Variants in UACA observed in about 807,000 individuals in gnomAD.
UACA encodes the protein nuclear membrane binding protein.
UACA carries 112 observed loss-of-function variants against 160.5 expected under a neutral mutation model. That is an observed-to-expected ratio of 0.70 (90% CI 0.60 to 0.82). UACA has a LOEUF of 0.82. Among genes scored for constraint, UACA ranks in the 40% least tolerant of loss-of-function variants. The pLI is 0.00. For missense variants in UACA, 1,574 were observed against 1,614.6 expected (o/e 0.97, Z 0.43); for synonymous variants, 557 against 568.4 (o/e 0.98, Z 0.29).
At chr15:70,702,248 T>G (rs894281015) in intron 1 of UACA, 1 of 1,075,524 alleles carries the variant, frequency 9.3e-7, no homozygotes, top group African/African-American at 1.7e-5. Context: ...ACTGGAAAAC[T>G]TGAACAGCAC....
intron 1 of UACA, among the ~76,000 whole-genome samples, chr15:70,703,864 T>TA (rs1171206562): frequency 6.6e-6 from 1 of 152,132 alleles, no homozygotes; most frequent in Non-Finnish European, 1.5e-5. Flanking sequence ...CCCCTGTACC[T>TA]ATAAGGTTCT....
intron 1 of UACA, among the ~76,000 whole-genome samples, chr15:70,745,352 G>A (rs1221325283): frequency 2.6e-5 from 4 of 151,594 alleles, no homozygotes; most frequent in Non-Finnish European, 4.4e-5. Context: ...GGAGAGTGGC[G>A]TGAACCCGGG....
At chr15:70,745,644 G>T (rs887919465) in intron 1 of UACA, among the ~76,000 whole-genome samples, 4 of 152,112 alleles carry the variant, frequency 2.6e-5, no homozygotes, top group Non-Finnish European at 4.4e-5. Context: ...AAAAGAGCCT[G>T]CATTGCCAAG....
At chr15:70,690,342 T>G in intron 5 of UACA, 112 bp downstream of exon 5, 1 of 981,538 alleles carries the variant, frequency 1.0e-6, no homozygotes, top group South Asian at 1.5e-5. Context: ...GTTTTTAATA[T>G]TCTTTGTTTC....
intron 1 of UACA, among the ~76,000 whole-genome samples, chr15:70,727,582 C>T (rs1486454116): frequency 1.3e-5 from 2 of 152,044 alleles, no homozygotes; most frequent in Non-Finnish European, 2.9e-5. Context: ...TATAAAATGC[C>T]TCATCATTGT....
intron 1 of UACA, among the ~76,000 whole-genome samples, chr15:70,743,934 A>C (rs1899614621): frequency 6.6e-6 from 1 of 152,112 alleles, no homozygotes; most frequent in African/African-American, 2.4e-5. Flanking sequence ...AGACTGTTCC[A>C]CCCAAGGTTC....
chr15:70,705,552 A>G (rs1053740084), intron 1 of UACA, among the ~76,000 whole-genome samples: 1 of 152,074 alleles, frequency 6.6e-6, no homozygotes, highest in African/African-American at 2.4e-5. Context: ...AATAAAATAA[A>G]ATAAAAAAAT....
In UACA at chr15:70,668,547, G is replaced by T. The variant is rs578213404; in HGVS notation, c.2137C>A (p.Gln713Lys). ...KKITELTLKN[Q>K]TLQKEIEKVY... Reference sequence around the variant, plus strand: ...TTTTCAATTTCCTTTTGTAGTGTCTGATTTTTCAATGTTAACTCAGTGATC... The same window carrying T: ...TTTTCAATTTCCTTTTGTAGTGTCTTATTTTTCAATGTTAACTCAGTGATC... Residue 713 changes from glutamine to lysine, a missense_variant, in exon 16 of 19, where the codon CAG becomes AAG. By Grantham distance (53) the Gln-to-Lys change is moderately conservative. Transcript: ENST00000322954. 3.3e-5 allele frequency: 53 copies of T among 1,611,778 alleles called. 1 individual carries two copies. In the South Asian group the frequency reaches 5.7e-4, roughly 17 times the overall value.
rs142981855 is a variant in UACA at position 70,668,452 on chromosome 15, A to G, written c.2232T>C (p.Tyr744=). The part of the protein sequence containing the change: ...HNLTIEMKNH[Y]VPLKVSEDMK... ...TGTCTTCACTTACTTTTAAAGGAACATAATGATTTTTCATTTCAATTGTTA... is the reference window on the plus strand; with the variant it reads ...TGTCTTCACTTACTTTTAAAGGAACGTAATGATTTTTCATTTCAATTGTTA... The change falls in exon 16 of 19, where the codon TAT becomes TAC. Residue 744 remains tyrosine, a synonymous_variant. Transcript: ENST00000322954. 170 of 1,612,192 alleles carry G rather than the reference A, an allele frequency of 1.1e-4. No homozygotes were observed. In the African/African-American group the frequency reaches 2.1e-3, roughly 20 times the overall value.
chr15:70,759,088 G>A lies in UACA; in HGVS notation c.78+4242C>T, dbSNP rs536127797. ...TAGGATTTCACCACGTTGCCCAGGC[G>A]GGTCTCGAACTCCTGGGCTCAAGCA... is the stretch of plus-strand genomic sequence containing the variant. On this transcript the variant is annotated intron_variant, in intron 1 of 18. Transcript: ENST00000322954. 2.6e-5 allele frequency among the ~76,000 whole-genome samples: 4 copies of A among 152,126 alleles called. No homozygotes were observed. The East Asian group carries it at 5.8e-4, about 22-fold the overall frequency.
chr15:70,767,704 C>A (rs942293662), upstream of UACA, among the ~76,000 whole-genome samples: 2 of 152,204 alleles, frequency 1.3e-5, no homozygotes, highest in African/African-American at 4.8e-5. Flanking sequence ...TATCCAATGA[C>A]TTCCCTCTTC....
Position 70,682,773 on chromosome 15 carries a change from C to T in UACA, c.807G>A (p.Gly269=). 1.9e-6 allele frequency: 3 copies of T among 1,562,264 alleles called. No homozygotes were observed. Among genetic ancestry groups the T allele is most frequent in the East Asian group, 2.3e-5 (1 of 42,920 alleles). The part of the protein sequence containing the change: ...TNKGRELWKK[G]PSLQQRNLTH... ...TAATATCTACCTGTTGCAAAGATGG[C>T]CCTTTCTTCCAAAGTTCTCTCCCTA... The change falls in exon 9 of 19, where the codon GGG becomes GGA. Residue 269 remains glycine (G), a synonymous_variant. Transcript: ENST00000322954.
At chr15:70,763,174 T>G (rs1421329244) in intron 1 of UACA, among the ~76,000 whole-genome samples, 156 bp downstream of exon 1, 1 of 152,096 alleles carries the variant, frequency 6.6e-6, no homozygotes. Context: ...GTCTCTGGGC[T>G]GACGGAGTCT....
chr15:70,663,636 T>C (rs976265014), intron 17 of UACA, among the ~76,000 whole-genome samples: 41 of 151,982 alleles, frequency 2.7e-4, no homozygotes, highest in African/African-American at 9.2e-4. Flanking sequence ...CCAACAATGA[T>C]AGACTGGATT....
intron 1 of UACA, among the ~76,000 whole-genome samples, chr15:70,755,097 T>C (rs2030339607): frequency 6.6e-6 from 1 of 152,198 alleles, no homozygotes; most frequent in Non-Finnish European, 1.5e-5. Context: ...AAAGTTTCCA[T>C]ATGATAGTGA....
chr15:70,663,674 G>A (rs1385398401), intron 17 of UACA, among the ~76,000 whole-genome samples: 1 of 152,060 alleles, frequency 6.6e-6, no homozygotes, highest in Non-Finnish European at 1.5e-5. Context: ...ATACACCATG[G>A]AATACTATGC....
At chr15:70,669,665 A>G (rs905158471) in intron 15 of UACA, among the ~76,000 whole-genome samples, 9 of 152,178 alleles carry the variant, frequency 5.9e-5, no homozygotes, top group African/African-American at 1.9e-4. Flanking sequence ...ATACATTCAC[A>G]ACATTTTGAG....
chr15:70,738,242 T>C (rs1899427995), intron 1 of UACA, among the ~76,000 whole-genome samples: 1 of 151,898 alleles, frequency 6.6e-6, no homozygotes, highest in Non-Finnish European at 1.5e-5. Flanking sequence ...TGGACTATTA[T>C]AATAATCTAT....
rs184224594 is a variant in UACA, at chr15:70,725,118, T to C, written c.79-25458A>G. ...AAAAAAATCTTCGTTTGATGGAATA[T>C]TTGATAGATTTATCTGATAGATTTT... is the stretch of plus-strand genomic sequence containing the variant. On this transcript the variant is annotated intron_variant, in intron 1 of 18. Coordinates refer to ENST00000322954, the MANE Select transcript of UACA (RefSeq NM_018003.4). Among the ~76,000 whole-genome samples the C allele has an allele frequency of 5.9e-5, 9 of 152,218 alleles. No individual in the cohort carries two copies. The East Asian group carries it at 9.7e-4, about 16-fold the overall frequency.
Sources: allele counts gnomAD v4.1 joint callset (sites outside exome capture counted in the v4.1 genomes callset), GRCh38; gene constraint gnomAD v4.1.1; transcripts MANE v1.5; gene names NCBI Gene and HGNC (gene_info 2026-07-23, HGNC 2026-07-21).